Variants in LOXL3 observed in about 807,000 individuals in gnomAD.
LOXL3 encodes the protein lysyl oxidase homolog 3.
A neutral mutation model predicts 91.8 loss-of-function variants in LOXL3; 60 were observed. The observed-to-expected ratio is 0.65, with a 90% CI of 0.53 to 0.81. The LOEUF (loss-of-function observed/expected upper bound fraction) is 0.81. Among genes scored for constraint, LOXL3 ranks in the 30% least tolerant of loss-of-function variants. The pLI is 0.00. For missense variants in LOXL3, 874 were observed against 1,000.4 expected (o/e 0.87, Z 1.70); for synonymous variants, 355 against 387.6 (o/e 0.92, Z 0.99).
At chr2:74,541,884 G>A (rs1031961849) in intron 4 of LOXL3, among the ~76,000 whole-genome samples, 2 of 151,376 alleles carry the variant, frequency 1.3e-5, no homozygotes, top group East Asian at 3.9e-4. Context: ...GTTATGTTAA[G>A]GACTTTGTCC....
At chr2:74,555,136 C>T (rs896042079), upstream of LOXL3, 30 of 1,566,248 alleles carry the variant, frequency 1.9e-5, no homozygotes, top group Non-Finnish European at 2.4e-5. This position sits in a 1 kb window ranked among gnomAD's most constrained non-coding sequence, Gnocchi z 6.1. Context: ...CTCTCGAGCA[C>T]TCTCTCTCTC....
At chr2:74,537,347 G>A (rs1676090190) in intron 4 of LOXL3, among the ~76,000 whole-genome samples, 1 of 152,212 alleles carries the variant, frequency 6.6e-6, no homozygotes, top group Non-Finnish European at 1.5e-5. Context: ...AAAAGCCAGG[G>A]CGAGCAAGTC....
Position 74,549,158 on chromosome 2 carries a change from T to C in LOXL3, c.692+211A>G. On this transcript the variant is annotated intron_variant, in intron 4 of 13. Transcript: ENST00000264094. This position sits in a 1 kb window ranked among gnomAD's most constrained non-coding sequence, Gnocchi z 5.3. Reference sequence around the variant, plus strand: ...GGCCACGAGAGAGCGGGAGCCTCGCTGGTCCCCATTTCAGGTACTCCCTTG... The same window carrying C: ...GGCCACGAGAGAGCGGGAGCCTCGCCGGTCCCCATTTCAGGTACTCCCTTG... 1 of 459,372 alleles carries C rather than the reference T, an allele frequency of 2.2e-6. No homozygotes were observed. Among genetic ancestry groups the C allele is most frequent in the Non-Finnish European group, 3.7e-6 (1 of 272,378 alleles). 28.5% of individuals were successfully genotyped at this position (459,372 alleles called of 1,614,324 possible). A position where few individuals can be genotyped will look rare whatever the true frequency, so the allele number is the denominator to read the frequency against.
chr2:74,538,052 G>A (rs1345368547), intron 4 of LOXL3, among the ~76,000 whole-genome samples: 1 of 152,176 alleles, frequency 6.6e-6, no homozygotes, highest in Non-Finnish European at 1.5e-5. Flanking sequence ...AAGGAAGCCT[G>A]GAGACTTTAC....
chr2:74,546,052 G>A (rs998559361), intron 4 of LOXL3, among the ~76,000 whole-genome samples: 4 of 152,102 alleles, frequency 2.6e-5, no homozygotes, highest in Non-Finnish European at 5.9e-5. Context: ...TTACTTAGCT[G>A]AGGCCAAAAA....
chr2:74,534,139 A>T lies in LOXL3; in HGVS notation c.2037T>A (p.Ile679=). The T allele has an allele frequency of 6.2e-7, 1 of 1,614,204 alleles. No homozygotes were observed. ...LYRHDIDCQW[I]DITDVKPGNY... is the part of the protein sequence containing the mutation. ...TTCCTGGCTTCACATCCGTGATGTC[A>T]ATCCACTGACAGTCAATGTCATGCC... is the stretch of plus-strand genomic sequence containing the variant. The change falls in exon 12 of 14, where the codon ATT becomes ATA. Residue 679 remains isoleucine (I), a synonymous_variant. Transcript: ENST00000264094.
Position 74,552,462 on chromosome 2 carries a change from A to G in LOXL3, c.173T>C (p.Val58Ala). ...GFPRKPYEGRVEIQRAGEWGT... is the reference protein window; with the variant it reads ...GFPRKPYEGRAEIQRAGEWGT... ...CCATTCACCAGCTCGCTGTATCTCC[A>G]CGCGGCCCTCGTAGGGCTTCCTGGG... Residue 58 changes from valine (V) to alanine (A), a missense_variant, in exon 2 of 14, where the codon GTG becomes GCG. Physicochemically the swap from Val to Ala is moderately conservative, Grantham distance 64. Coordinates refer to ENST00000264094, the MANE Select transcript of LOXL3 (RefSeq NM_032603.5). The G allele has an allele frequency of 6.2e-7, 1 of 1,613,634 alleles. No homozygotes were observed. The highest frequency in any genetic ancestry group is 1.3e-5 in the African/African-American group (1 of 75,004).
In LOXL3 at chr2:74,536,239, C is replaced by T. The variant is rs994833938; in HGVS notation, c.1093+52G>A. The T allele has an allele frequency of 6.8e-6, 11 of 1,612,002 alleles. No homozygotes were observed. The African/African-American group carries it at 1.5e-4, about 22-fold the overall frequency. ...CCTAACCTTCCGAAGGAATATGCCCCCCAGGAGCATGTACCTCCTTCCCTC... is the reference window on the plus strand; with the variant it reads ...CCTAACCTTCCGAAGGAATATGCCCTCCAGGAGCATGTACCTCCTTCCCTC... On this transcript the variant is annotated intron_variant, in intron 6 of 13. Coordinates refer to ENST00000264094, the MANE Select transcript of LOXL3 (RefSeq NM_032603.5). This position sits in a 1 kb window ranked among gnomAD's most constrained non-coding sequence, Gnocchi z 4.5.
chr2:74,548,876 G>A (rs1415394113), intron 4 of LOXL3: 1 of 151,380 alleles, frequency 6.6e-6, no homozygotes, highest in Non-Finnish European at 1.5e-5. Flanking sequence ...GGGCGGCCCG[G>A]GCAGAGAGAC....
chr2:74,535,710 C>A lies in LOXL3; in HGVS notation c.1294G>T (p.Val432Leu). The A allele has an allele frequency of 1.3e-6, 2 of 1,599,962 alleles. No individual in the cohort carries two copies. Among genetic ancestry groups the A allele is most frequent in the Non-Finnish European group, 1.7e-6 (2 of 1,175,342 alleles). Reference protein sequence around the residue: ...GRSQHEGRVEVQIGGPGPLRW... With the variant: ...GRSQHEGRVELQIGGPGPLRW... ...AGGGGCCCAGGTCCCCCTATTTGCA[C>A]CTCGACTCGCCCCTCATGTTGGCTG... is the stretch of plus-strand genomic sequence containing the variant. The change falls in exon 8 of 14, where the codon GTG becomes TTG. Residue 432 changes from valine to leucine, a missense_variant. Val to Leu is a conservative substitution (Grantham distance 32). Transcript: ENST00000264094. This position sits in a 1 kb window ranked among gnomAD's most constrained non-coding sequence, Gnocchi z 4.2.
Position 74,550,368 on chromosome 2 carries a change from G to C in LOXL3, c.314-20C>G, listed in dbSNP as rs200178697. Reference sequence around the variant, plus strand: ...TGCGGCCTGTGGAAGGGGAGATGAAGGGACAGAGAAGCTTGGGGAGGGAGG... The same window carrying C: ...TGCGGCCTGTGGAAGGGGAGATGAACGGACAGAGAAGCTTGGGGAGGGAGG... On this transcript the variant is annotated intron_variant, in intron 2 of 13. Transcript: ENST00000264094. 234 of 1,609,338 alleles carry C rather than the reference G, an allele frequency of 1.5e-4. 1 individual carries two copies. The highest frequency in any genetic ancestry group is 1.8e-4 in the Non-Finnish European group (211 of 1,177,202).
At position 74,536,487 on chromosome 2, in the gene LOXL3, G is replaced by A; in HGVS notation, c.913-16C>T. 2 of 1,605,724 alleles carry A rather than the reference G, an allele frequency of 1.2e-6. No homozygotes were observed. The highest frequency in any genetic ancestry group is 1.1e-5 in the South Asian group (1 of 90,606). The stretch of plus-strand genomic sequence containing the variant: ...GGACACGGGCCTATAGAAGAGAGAA[G>A]TGCCCAACAGAGGCAAATGGCAACA... On this transcript the variant is annotated splice_polypyrimidine_tract_variant and intron_variant, in intron 5 of 13. Coordinates refer to ENST00000264094, the MANE Select transcript of LOXL3 (RefSeq NM_032603.5). This position sits in a 1 kb window ranked among gnomAD's most constrained non-coding sequence, Gnocchi z 4.5.
At chr2:74,542,519 T>C (rs182245471) in intron 4 of LOXL3, among the ~76,000 whole-genome samples, 2,115 of 151,364 alleles carry the variant, frequency 0.014, 57 homozygotes, top group African/African-American at 0.049. Context: ...CTCCTACACA[T>C]GCACACACAC....
rs1057243614 is a variant in LOXL3, at chr2:74,533,110, A to ACTG, written c.*493_*495dup. ...GGGGCAGGTCCCTCCAACCACCAGCACTGACTCCTGGGCTCTGAAGAATCA... is the reference window on the plus strand; with the variant it reads ...GGGGCAGGTCCCTCCAACCACCAGCACTGCTGACTCCTGGGCTCTGAAGAATCA... On this transcript the variant is annotated 3_prime_UTR_variant, in exon 14 of 14. Transcript: ENST00000264094. 81 of 802,656 alleles carry ACTG rather than the reference A, an allele frequency of 1.0e-4. No homozygotes were observed. In the African/African-American group the frequency reaches 1.2e-3, roughly 12 times the overall value. The allele number at this position is 802,656 out of a possible 1,614,324, so 49.7% of individuals were successfully genotyped here. A position where few individuals can be genotyped will look rare whatever the true frequency, so the allele number is the denominator to read the frequency against.
intron 3 of LOXL3, 169 bp downstream of exon 3, chr2:74,550,016 C>T (rs1324973411): frequency 1.0e-6 from 1 of 985,254 alleles, no homozygotes; most frequent in African/African-American, 1.7e-5. Flanking sequence ...ATGCTAAAAA[C>T]CTGTTGGATT....
chr2:74,534,749 T>A lies in LOXL3; in HGVS notation c.1605A>T (p.Ser535=). 1 of 1,613,932 alleles carries A rather than the reference T, an allele frequency of 6.2e-7. No homozygotes were observed. Among genetic ancestry groups the A allele is most frequent in the Non-Finnish European group, 8.5e-7 (1 of 1,179,962 alleles). The part of the protein sequence containing the change: ...SETASDLLLH[S]ALVQETAYIE... Reference sequence around the variant, plus strand: ...TGTAGGCGGTCTCCTGCACCAGTGCTGAGTGCAGCAACAGATCTGATGCAG... The same window carrying A: ...TGTAGGCGGTCTCCTGCACCAGTGCAGAGTGCAGCAACAGATCTGATGCAG... Residue 535 remains serine (S), a synonymous_variant, in exon 10 of 14, where the codon TCA becomes TCT. Transcript: ENST00000264094.
chr2:74,552,260 C>T, intron 2 of LOXL3, 62 bp downstream of exon 2: 2 of 1,492,640 alleles, frequency 1.3e-6, no homozygotes, highest in East Asian at 2.3e-5. Context: ...CCTCGTGTTC[C>T]CTTTCCCTGC....
At chr2:74,534,050 C>T (rs1269621066) in intron 12 of LOXL3, 50 bp downstream of exon 12, 3 of 1,612,344 alleles carry the variant, frequency 1.9e-6, no homozygotes, top group African/African-American at 2.7e-5. Flanking sequence ...TCAAAGGTGT[C>T]TTTAACGCTC....
At chr2:74,551,617 C>T (rs921366503) in intron 2 of LOXL3, among the ~76,000 whole-genome samples, 2 of 152,242 alleles carry the variant, frequency 1.3e-5, no homozygotes, top group Admixed American at 1.3e-4. Context: ...CTAGGCAGCT[C>T]TCCTCTGAAA....
Sources: gnomAD v4.1 joint callset for allele counts (sites outside exome capture counted in the v4.1 genomes callset) on GRCh38, gnomAD v4.1.1 for gene constraint, Gnocchi (gnomAD v3.1) non-coding constraint, MANE v1.5 for transcripts, NCBI Gene and HGNC (gene_info 2026-07-23, HGNC 2026-07-21) for gene names.